The following SEMA3A variants were observed in gnomAD, a reference collection of about 807,000 sequenced individuals.
SEMA3A encodes semaphorin 3A.
Under a neutral mutation model 97.9 loss-of-function variants are expected in SEMA3A, and 29 were observed. That is an observed-to-expected ratio of 0.30 (90% CI 0.22 to 0.40). The LOEUF (loss-of-function observed/expected upper bound fraction) is 0.40. Ranked by LOEUF, SEMA3A falls within the 10% of genes least tolerant of loss-of-function variation. SEMA3A has a pLI of 1.00. For synonymous variants in SEMA3A, 321 were observed against 323.7 expected, an observed-to-expected ratio of 0.99 and a Z score of 0.09; for missense variants, 763 against 951.3, an observed-to-expected ratio of 0.80 and a Z score of 2.60.
intron 5 of SEMA3A, among the ~76,000 whole-genome samples, chr7:84,049,420 G>A (rs1301540616): frequency 6.6e-6 from 1 of 151,928 alleles, no homozygotes; most frequent in Admixed American, 6.6e-5. Context: ...CATCTTTGTT[G>A]TTTTGCCCAA....
At chr7:84,148,277 T>C (rs930330708) in intron 1 of SEMA3A, among the ~76,000 whole-genome samples, 1 of 152,046 alleles carries the variant, frequency 6.6e-6, no homozygotes, top group African/African-American at 2.4e-5. Context: ...AACATTGATA[T>C]GGCATTCCTA....
chr7:84,453,275 G>A (rs944970954), intron 1 of SEMA3A, among the ~76,000 whole-genome samples: 3 of 145,066 alleles, frequency 2.1e-5, no homozygotes, highest in Non-Finnish European at 4.5e-5. Flanking sequence ...TCTCGCTGTC[G>A]CCCAGGCTGG....
At chr7:84,277,430 G>A (rs1229541255) in intron 3 of SEMA3A, among the ~76,000 whole-genome samples, 1 of 152,054 alleles carries the variant, frequency 6.6e-6, no homozygotes, top group Non-Finnish European at 1.5e-5. Flanking sequence ...AAAATAATGA[G>A]CACATTCACT....
Position 84,303,094 on chromosome 7 carries a change from G to A in SEMA3A, c.-83+4113C>T, listed in dbSNP as rs1801063307. Reference sequence around the variant, plus strand: ...GCAATGAAGTTTTTCAAAGAGGTAGGTGACATTCCACACCTACTCACAGCC... The same window carrying A: ...GCAATGAAGTTTTTCAAAGAGGTAGATGACATTCCACACCTACTCACAGCC... On this transcript the variant is annotated intron_variant, in intron 3 of 3. Coordinates refer to the SEMA3A transcript ENST00000424555. 2.6e-5 allele frequency among the ~76,000 whole-genome samples: 4 copies of A among 152,250 alleles called. No individual in the cohort carries two copies. The South Asian group carries it at 6.2e-4, about 24-fold the overall frequency.
At chr7:84,219,841 G>A (rs988911312) in intron 3 of SEMA3A, among the ~76,000 whole-genome samples, 1 of 152,040 alleles carries the variant, frequency 6.6e-6, no homozygotes, top group Admixed American at 6.6e-5. Flanking sequence ...TTTCTAAACC[G>A]CATGAACCAA....
At chr7:84,251,713 C>A (rs185491774) in intron 3 of SEMA3A, among the ~76,000 whole-genome samples, 4 of 152,212 alleles carry the variant, frequency 2.6e-5, no homozygotes, top group Non-Finnish European at 5.9e-5. Flanking sequence ...CAGCAAAAGC[C>A]GTTTGTTTTA....
intron 1 of SEMA3A, among the ~76,000 whole-genome samples, chr7:84,445,555 C>G (rs1348430980): frequency 8.7e-6 from 1 of 114,926 alleles, no homozygotes; most frequent in African/African-American, 3.1e-5. Context: ...AGAAAGAAAT[C>G]AATAATGAAA....
intron 12 of SEMA3A, among the ~76,000 whole-genome samples, chr7:83,988,849 T>G (rs1789753560): frequency 6.8e-6 from 1 of 147,340 alleles, no homozygotes; most frequent in African/African-American, 2.5e-5. Flanking sequence ...CAACACATCA[T>G]GGATATTCAG....
At chr7:84,343,964 C>T (rs913876399) in intron 2 of SEMA3A, among the ~76,000 whole-genome samples, 2 of 151,598 alleles carry the variant, frequency 1.3e-5, no homozygotes, top group African/African-American at 4.9e-5. Context: ...GCTATTATCA[C>T]ACCACTGCAC....
At chr7:84,216,464 G>T (rs1798758171) in intron 3 of SEMA3A, among the ~76,000 whole-genome samples, 1 of 152,106 alleles carries the variant, frequency 6.6e-6, no homozygotes, top group Non-Finnish European at 1.5e-5. Context: ...AGGATATTAA[G>T]AATCTATGGT....
At chr7:84,455,812 A>G (rs751323149) in intron 1 of SEMA3A, among the ~76,000 whole-genome samples, 1 of 152,006 alleles carries the variant, frequency 6.6e-6, no homozygotes, top group African/African-American at 2.4e-5. Flanking sequence ...TTCATTTTAT[A>G]TATGGGAGAG....
At chr7:84,171,189 AG>A (rs1223081124) in intron 1 of SEMA3A, among the ~76,000 whole-genome samples, 1 of 152,276 alleles carries the variant, frequency 6.6e-6, no homozygotes, top group East Asian at 1.9e-4. Context: ...TTATTTCTGA[AG>A]CAACATAATA....
intron 3 of SEMA3A, among the ~76,000 whole-genome samples, chr7:84,117,514 G>C (rs1795470769): frequency 6.6e-6 from 1 of 152,126 alleles, no homozygotes; most frequent in Non-Finnish European, 1.5e-5. Flanking sequence ...GCAGCAGGCC[G>C]GCCAGCACTA....
intron 5 of SEMA3A, among the ~76,000 whole-genome samples, chr7:84,054,901 T>G (rs1357350094): frequency 6.6e-6 from 1 of 151,600 alleles, no homozygotes; most frequent in African/African-American, 2.4e-5. Flanking sequence ...GTCCTTTCTG[T>G]TTGTTAGTTT....
chr7:84,219,969 A>G (rs577657868), intron 3 of SEMA3A, among the ~76,000 whole-genome samples: 2 of 152,162 alleles, frequency 1.3e-5, no homozygotes, highest in Non-Finnish European at 2.9e-5. Flanking sequence ...AACTAAGACA[A>G]CAATGAAGTT....
intron 3 of SEMA3A, among the ~76,000 whole-genome samples, chr7:84,303,324 A>G (rs1801070258): frequency 6.6e-6 from 1 of 152,172 alleles, no homozygotes; most frequent in Non-Finnish European, 1.5e-5. Context: ...CAATTGCAGC[A>G]TAATTTTCTT....
chr7:84,356,174 T>A (rs1040262329), intron 2 of SEMA3A, among the ~76,000 whole-genome samples: 1 of 151,908 alleles, frequency 6.6e-6, no homozygotes, highest in African/African-American at 2.4e-5. Context: ...TTTTGAAAAT[T>A]ATTTTGAAAT....
intron 5 of SEMA3A, 123 bp downstream of exon 5, chr7:84,060,341 CA>C (rs761318016): frequency 1.5e-6 from 1 of 669,012 alleles, no homozygotes; most frequent in Non-Finnish European, 2.6e-6. Flanking sequence ...GAATATATCA[CA>C]ACTAATGTCC....
chr7:84,202,302 T>C (rs1020505121), intron 3 of SEMA3A, among the ~76,000 whole-genome samples: 1 of 152,172 alleles, frequency 6.6e-6, no homozygotes, highest in African/African-American at 2.4e-5. Flanking sequence ...CCACATTGCA[T>C]ACATGCTTTA....
Sources: gnomAD v4.1 joint callset for allele counts (sites outside exome capture counted in the v4.1 genomes callset) on GRCh38, gnomAD v4.1.1 for gene constraint, MANE v1.5 for transcripts, NCBI Gene and HGNC (gene_info 2026-07-23, HGNC 2026-07-21) for gene names.